The following KIF25 variants were observed in gnomAD, a reference collection of about 807,000 sequenced individuals.
KIF25 encodes kinesin family member 25.
Under a neutral mutation model 32.9 loss-of-function variants are expected in KIF25, and 19 were observed. That is an observed-to-expected ratio of 0.58 (90% CI 0.40 to 0.85). The LOEUF is 0.85. KIF25 is among the 40% of genes least tolerant of loss of function. The pLI is 0.00. For synonymous variants in KIF25, 225 were observed against 213.7 expected (o/e 1.05, Z -0.46); for missense variants, 485 against 507.0 (o/e 0.96, Z 0.42).
intron 7 of KIF25, among the ~76,000 whole-genome samples, chr6:168,032,845 G>C (rs1265470633): frequency 6.6e-6 from 1 of 152,200 alleles, no homozygotes; most frequent in Non-Finnish European, 1.5e-5. Context: ...GTCAGGGCCG[G>C]AGATCCTGCT....
rs933514810 is a variant in KIF25 at position 168,042,607 on chromosome 6, C to G, written c.876C>G (p.Ile292Met). The G allele has an allele frequency of 1.9e-6, 3 of 1,614,004 alleles. No homozygotes were observed. Among genetic ancestry groups the G allele is most frequent in the Middle Eastern group, 3.3e-4 (2 of 6,050 alleles). Residue 292 changes from isoleucine to methionine, a missense_variant, in exon 12 of 13, where the codon ATC (isoleucine) becomes ATG (methionine). Transcript: ENST00000643607. ...TGGCCCTGAGGGAGATGGCGTGCAT[C>G]AGCCGCAGCCTTGCGGCCCTGGCAG... is the stretch of plus-strand genomic sequence containing the variant. ...TGLALREMAC[I>M]SRSLAALAGV...
In KIF25 at chr6:168,005,011, T is replaced by C. The variant is rs146508700; in HGVS notation, c.-163+1308T>C. On this transcript the variant is annotated intron_variant, in intron 4 of 12. Coordinates refer to ENST00000643607, the MANE Select transcript of KIF25 (RefSeq NM_030615.4). Reference sequence around the variant, plus strand: ...GCCTGGCTTCTCTAGTAATAACTTTTGTTTTTAAAGGCAGGAGGACACAGT... The same window carrying C: ...GCCTGGCTTCTCTAGTAATAACTTTCGTTTTTAAAGGCAGGAGGACACAGT... 1.6e-3 allele frequency among the ~76,000 whole-genome samples: 240 copies of C among 152,330 alleles called. 1 individual carries two copies. The highest frequency in any genetic ancestry group is 5.6e-3 in the African/African-American group (233 of 41,576).
intron 8 of KIF25, among the ~76,000 whole-genome samples, chr6:168,037,650 TC>T (rs1316387880): frequency 6.7e-6 from 1 of 149,960 alleles, no homozygotes; most frequent in East Asian, 1.9e-4. Context: ...TTTATTTCTC[TC>T]TCTCTCTCTC....
intron 3 of KIF25, 36 bp from the exon 4 acceptor site, chr6:168,003,578 A>C (rs1798534956): frequency 6.6e-6 from 1 of 152,206 alleles, no homozygotes; most frequent in Non-Finnish European, 1.5e-5. Context: ...CAATTTCTTC[A>C]TGATGTGTAT....
chr6:168,040,284 G>C (rs1055026271), intron 10 of KIF25, 68 bp downstream of exon 10: 5 of 1,498,474 alleles, frequency 3.3e-6, no homozygotes, highest in Non-Finnish European at 3.6e-6. Context: ...AAAAAAATCA[G>C]GCCAGGCACA....
In KIF25 at chr6:168,003,719, C is replaced by T. The variant is rs976712869; in HGVS notation, c.-163+16C>T. ...TTCCTGCTTGGTGGGTGTCCGTAGT[C>T]CCCACAGATCCCTACAATGGAGAGC... On this transcript the variant is annotated intron_variant, in intron 4 of 12. Transcript: ENST00000643607. The T allele has an allele frequency of 8.5e-5, 13 of 152,170 alleles. No homozygotes were observed. The highest frequency in any genetic ancestry group is 1.8e-4 in the Non-Finnish European group (12 of 68,032). The allele number at this position is 152,170 out of a possible 1,614,324, so 9.4% of individuals were successfully genotyped here.
In KIF25 at chr6:168,042,656, C is replaced by T. The variant is rs753435297; in HGVS notation, c.925C>T (p.His309Tyr). Reference sequence around the variant, plus strand: ...AGGCGTCCTGGGGGCTTTGTTGGAGCACCGTGGCCATGCCCCGTACCGGAA... The same window carrying T: ...AGGCGTCCTGGGGGCTTTGTTGGAGTACCGTGGCCATGCCCCGTACCGGAA... ...LAGVLGALLE[H>Y]RGHAPYRNSR... The change falls in exon 12 of 13, where the codon CAC becomes TAC. Residue 309 changes from histidine to tyrosine, a missense_variant. Around this residue, in one of 2 missense-constraint regions of KIF25, gnomAD observed 480 missense variants for 470.3 expected, o/e 1.02. Transcript: ENST00000643607. The T allele has an allele frequency of 1.2e-5, 20 of 1,613,626 alleles. No individual in the cohort carries two copies. The highest frequency in any genetic ancestry group is 1.7e-5 in the Admixed American group (1 of 60,004).
intron 11 of KIF25, 81 bp from the exon 12 acceptor site, chr6:168,042,480 G>A (rs1230320664): frequency 5.2e-6 from 8 of 1,532,760 alleles, no homozygotes; most frequent in South Asian, 2.5e-5. Context: ...CCTGAGAGCC[G>A]CTCCTCCCAA....
At chr6:168,026,508 C>G (rs982884087) in intron 5 of KIF25, among the ~76,000 whole-genome samples, 8 of 152,112 alleles carry the variant, frequency 5.3e-5, no homozygotes, top group African/African-American at 1.9e-4. Context: ...CTTATGAAAT[C>G]AGAACATTGT....
intron 12 of KIF25, among the ~76,000 whole-genome samples, chr6:168,044,442 G>C (rs190452269): frequency 4.2e-5 from 6 of 143,018 alleles, no homozygotes; most frequent in Non-Finnish European, 6.1e-5. Flanking sequence ...GTGACCGGCT[G>C]CTGACCCTCC....
chr6:167,998,897 C>G (rs1798458724), intron 1 of KIF25, 27 bp downstream of exon 1: 1 of 152,110 alleles, frequency 6.6e-6, no homozygotes, highest in Non-Finnish European at 1.5e-5. Context: ...ACTAAAAATA[C>G]AAAAATTAGC....
At chr6:168,035,649 C>T (rs1048371288) in intron 8 of KIF25, 1 of 454,526 alleles carries the variant, frequency 2.2e-6, no homozygotes, top group Non-Finnish European at 4.4e-6. Flanking sequence ...ATGGGCCCAT[C>T]GCATTACTGG....
At position 168,042,722 on chromosome 6, in the gene KIF25, C is replaced by T. The variant is rs201869457; in HGVS notation, c.985+6C>T. The T allele has an allele frequency of 7.7e-5, 123 of 1,606,288 alleles. No homozygotes were observed. Among genetic ancestry groups the T allele is most frequent in the East Asian group, 2.5e-4 (11 of 44,788 alleles). ...CCTCCTTCAGGACTGCCTCGGTAAC[C>T]GTTTTCCCCAAAATGCCCCAGGATG... On this transcript the variant is annotated splice_donor_region_variant and intron_variant, in intron 12 of 12. Coordinates refer to ENST00000643607, the MANE Select transcript of KIF25 (RefSeq NM_030615.4).
chr6:168,022,931 G>C (rs1314510157), intron 5 of KIF25, among the ~76,000 whole-genome samples: 1 of 151,904 alleles, frequency 6.6e-6, no homozygotes, highest in African/African-American at 2.4e-5. Flanking sequence ...CTTGCATTTG[G>C]ATTCTGTGCT....
At chr6:168,023,855 CA>C (rs1206405169) in intron 5 of KIF25, among the ~76,000 whole-genome samples, 1 of 152,222 alleles carries the variant, frequency 6.6e-6, no homozygotes, top group Non-Finnish European at 1.5e-5. Context: ...AGAGACAGTG[CA>C]CTTTGCAGAA....
chr6:168,033,902 C>T lies in KIF25; in HGVS notation c.188C>T (p.Ala63Val), dbSNP rs757300108. 5.6e-6 allele frequency: 9 copies of T among 1,614,110 alleles called. No homozygotes were observed. Among genetic ancestry groups the T allele is most frequent in the South Asian group, 1.1e-5 (1 of 91,064 alleles). ...TTTAGGTACAATGTTTGTGTTATGGCGTATGGACAGACGGGCAGCGGAAAG... is the reference window on the plus strand; with the variant it reads ...TTTAGGTACAATGTTTGTGTTATGGTGTATGGACAGACGGGCAGCGGAAAG... Reference protein sequence around the residue: ...LLDGYNVCVMAYGQTGSGKSY... With the variant: ...LLDGYNVCVMVYGQTGSGKSY... Residue 63 changes from alanine to valine, a missense_variant, in exon 8 of 13, where the codon GCG (alanine) becomes GTG (valine). Physicochemically the swap from Ala to Val is moderately conservative, Grantham distance 64 (BLOSUM62 0). Transcript: ENST00000643607.
chr6:168,002,305 GAAAGACACC>G (rs1798518626), intron 2 of KIF25, among the ~76,000 whole-genome samples: 1 of 123,342 alleles, frequency 8.1e-6, no homozygotes, highest in Admixed American at 8.0e-5. Flanking sequence ...GGGCAGGTGA[GAAAGACACC>G]TGAGGCGTGG....
In KIF25 at chr6:168,042,142, G is replaced by T. The variant is rs1242695108; in HGVS notation, c.820G>T (p.Glu274Ter). The T allele has an allele frequency of 1.9e-6, 3 of 1,549,112 alleles. No homozygotes were observed. Among genetic ancestry groups the T allele is most frequent in the East Asian group, 4.9e-5 (2 of 40,960 alleles). Reference protein sequence around the residue: ...RLQLVDSAGSECVGVSGVTGL... With the variant: ...RLQLVDSAGS ...ACAGCTCGTGGACTCGGCCGGCAGC[G>T]AGTGCGTTGGTGAGCAGGGGCAGGC... is the stretch of plus-strand genomic sequence containing the variant. Residue 274 changes from glutamate to a stop codon, truncating the protein, a stop_gained, in exon 11 of 13, where the codon GAG (glutamate) becomes TAG (stop). Coordinates refer to ENST00000643607, the MANE Select transcript of KIF25 (RefSeq NM_030615.4). LOFTEE classifies it high-confidence loss of function.
intron 11 of KIF25, 26 bp from the exon 12 acceptor site, chr6:168,042,535 T>G: frequency 1.9e-6 from 3 of 1,598,522 alleles, no homozygotes; most frequent in Non-Finnish European, 2.6e-6. Flanking sequence ...GTGCAAACGG[T>G]GATGGTGCGT....
Sources: allele counts gnomAD v4.1 joint callset (sites outside exome capture counted in the v4.1 genomes callset), GRCh38; gene constraint gnomAD v4.1.1; regional missense constraint gnomAD v4.1.1; transcripts MANE v1.5; gene names NCBI Gene and HGNC (gene_info 2026-07-23, HGNC 2026-07-21).